The following PRKN variants were observed in gnomAD, a reference collection of about 807,000 sequenced individuals.
The protein encoded by PRKN is parkin RBR E3 ubiquitin protein ligase.
Under a neutral mutation model 59.5 loss-of-function variants are expected in PRKN, and 56 were observed. The observed-to-expected ratio is 0.94, with a 90% confidence interval of 0.76 to 1.18. The LOEUF is 1.18. PRKN is among the 50% of genes most tolerant of loss of function. The pLI is 0.00. For missense variants in PRKN, 657 were observed against 596.4 expected, an observed-to-expected ratio of 1.10 and a Z score of -1.06; for synonymous variants, 250 against 222.1, an observed-to-expected ratio of 1.13 and a Z score of -1.12.
chr6:162,685,980 T>C (rs184016649), intron 1 of PRKN, among the ~76,000 whole-genome samples: 158 of 152,264 alleles, frequency 1.0e-3, no homozygotes, highest in African/African-American at 3.7e-3. Context: ...AGCCTGTTTA[T>C]AGCGAACGTC....
At chr6:162,448,894 C>CCTCTCT (rs112625480) in intron 1 of PRKN, among the ~76,000 whole-genome samples, 22 of 141,372 alleles carry the variant, frequency 1.6e-4, no homozygotes, top group Non-Finnish European at 2.8e-4. Context: ...TCTCTCCCTT[C>CCTCTCT]CTCTCTCTCT....
chr6:162,180,921 G>C (rs1783774500), intron 4 of PRKN, among the ~76,000 whole-genome samples: 1 of 152,186 alleles, frequency 6.6e-6, no homozygotes, highest in Non-Finnish European at 1.5e-5. Context: ...AGACACCAAA[G>C]AGGACATCAG....
At chr6:161,939,201 T>C (rs1342904201) in intron 6 of PRKN, among the ~76,000 whole-genome samples, 1 of 151,946 alleles carries the variant, frequency 6.6e-6, no homozygotes, top group African/African-American at 2.4e-5. Context: ...GAGGATCACC[T>C]GAGGCCAGTA....
chr6:161,360,444 G>A lies in PRKN; in HGVS notation c.1168-239C>T, dbSNP rs1784932058. Among the ~76,000 whole-genome samples the A allele has an allele frequency of 6.6e-6, 1 of 152,198 alleles. No individual in the cohort carries two copies. Among genetic ancestry groups the A allele is most frequent in the Non-Finnish European group, 1.5e-5 (1 of 68,034 alleles). ...GAGATTGTTTGGTTTTGTAGTGTGA[G>A]CTCCTCTATTCTGTTGTTTTGCATA... On this transcript the variant is annotated intron_variant, in intron 10 of 11. Transcript: ENST00000366898. The surrounding 1 kb of genome is among the most constrained non-coding windows in gnomAD (Gnocchi z 5.1).
chr6:161,923,862 C>G (rs12110810), intron 6 of PRKN, among the ~76,000 whole-genome samples: 3 of 152,126 alleles, frequency 2.0e-5, no homozygotes, highest in Non-Finnish European at 2.9e-5. Flanking sequence ...CTTCCTCTTT[C>G]CCTGTCTGCC....
rs1000637131 is a variant in PRKN, at chr6:161,395,297, G to A, written c.1084-8420C>T. 1.2e-4 allele frequency among the ~76,000 whole-genome samples: 19 copies of A among 152,212 alleles called. No homozygotes were observed. Among genetic ancestry groups the A allele is most frequent in the African/African-American group, 3.6e-4 (15 of 41,518 alleles). ...TACAGATGGCTGTCTATTAGCACACGGAGAGCTGCTCCATTCTTCCTGAAC... is the reference window on the plus strand; with the variant it reads ...TACAGATGGCTGTCTATTAGCACACAGAGAGCTGCTCCATTCTTCCTGAAC... On this transcript the variant is annotated intron_variant, in intron 9 of 11. Coordinates refer to ENST00000366898, the MANE Select transcript of PRKN (RefSeq NM_004562.3). The surrounding 1 kb of genome is among the most constrained non-coding windows in gnomAD (Gnocchi z 5.0).
Position 161,721,024 on chromosome 6 carries a change from A to G in PRKN, c.871+64748T>C, listed in dbSNP as rs974305793. Among the ~76,000 whole-genome samples, 5 of 152,316 alleles carry G rather than the reference A, an allele frequency of 3.3e-5. No individual in the cohort carries two copies. In the South Asian group the frequency reaches 1.0e-3, roughly 32 times the overall value. On this transcript the variant is annotated intron_variant, in intron 7 of 11. Coordinates refer to ENST00000366898, the MANE Select transcript of PRKN (RefSeq NM_004562.3). Reference sequence around the variant, plus strand: ...GGAATATCATGGAAAAACTTTCCCAATGGTTGGTAATCACATTTGATATGA... The same window carrying G: ...GGAATATCATGGAAAAACTTTCCCAGTGGTTGGTAATCACATTTGATATGA...
chr6:161,426,676 C>CACACACACACACAT (rs11271613), intron 9 of PRKN, among the ~76,000 whole-genome samples: 7,657 of 142,708 alleles, frequency 0.054, 575 homozygotes, highest in African/African-American at 0.14. Context: ...CACACACACA[C>CACACACACACACAT]CTCCTATTAG....
At chr6:162,253,473 C>G (rs1406490634) in intron 3 of PRKN, among the ~76,000 whole-genome samples, 1 of 152,120 alleles carries the variant, frequency 6.6e-6, no homozygotes, top group Admixed American at 6.6e-5. Flanking sequence ...TCTACTTTAC[C>G]AGCACAAATG....
At chr6:161,496,850 A>C (rs1356223504) in intron 9 of PRKN, among the ~76,000 whole-genome samples, 2 of 152,176 alleles carry the variant, frequency 1.3e-5, no homozygotes, top group Non-Finnish European at 2.9e-5. Flanking sequence ...GCCACAAGCC[A>C]AGGATTGCTG....
intron 2 of PRKN, among the ~76,000 whole-genome samples, chr6:162,391,638 C>A (rs941144055): frequency 6.6e-6 from 1 of 152,162 alleles, no homozygotes; most frequent in Non-Finnish European, 1.5e-5. Flanking sequence ...TTTCTTACTG[C>A]ACATGCTTGA....
chr6:161,927,321 C>A (rs1779005839), intron 6 of PRKN, among the ~76,000 whole-genome samples: 1 of 152,162 alleles, frequency 6.6e-6, no homozygotes, highest in African/African-American at 2.4e-5. Context: ...ATCACTACGT[C>A]TTACATACAG....
chr6:162,653,405 T>A (rs1778522329), intron 1 of PRKN, among the ~76,000 whole-genome samples: 1 of 152,152 alleles, frequency 6.6e-6, no homozygotes, highest in African/African-American at 2.4e-5. Context: ...GGATTTTTCA[T>A]AATAATTTTT....
chr6:162,432,767 C>A lies in PRKN; in HGVS notation c.171+10543G>T, dbSNP rs375199538. 2.8e-4 allele frequency among the ~76,000 whole-genome samples: 42 copies of A among 152,130 alleles called. No individual in the cohort carries two copies. The East Asian group carries it at 7.5e-3, about 27-fold the overall frequency. On this transcript the variant is annotated intron_variant, in intron 2 of 11. Transcript: ENST00000366898. ...TTCAGAGTGCTTCCTGATCCTCTTGCCCTCTATTTTACATTCAAGCGACTC... is the reference window on the plus strand; with the variant it reads ...TTCAGAGTGCTTCCTGATCCTCTTGACCTCTATTTTACATTCAAGCGACTC...
At chr6:161,812,663 T>C (rs2128213870) in intron 6 of PRKN, among the ~76,000 whole-genome samples, 1 of 152,186 alleles carries the variant, frequency 6.6e-6, no homozygotes, top group Middle Eastern at 3.4e-3. Flanking sequence ...AACAGGGAAA[T>C]GCAAATTAAA....
intron 5 of PRKN, among the ~76,000 whole-genome samples, chr6:162,048,196 T>A (rs1777458377): frequency 6.6e-6 from 1 of 152,172 alleles, no homozygotes; most frequent in South Asian, 2.1e-4. Context: ...ATAGATGATA[T>A]ATAAAAAATA....
At chr6:162,496,250 GA>G (rs1383511274) in intron 1 of PRKN, among the ~76,000 whole-genome samples, 1 of 151,872 alleles carries the variant, frequency 6.6e-6, no homozygotes, top group Non-Finnish European at 1.5e-5. Context: ...GGAAAAAAAA[GA>G]AAGAAAAAAA....
At chr6:161,425,084 A>G (rs1562439475) in intron 9 of PRKN, among the ~76,000 whole-genome samples, 1 of 147,288 alleles carries the variant, frequency 6.8e-6, no homozygotes, top group Non-Finnish European at 1.5e-5. Flanking sequence ...TTGAGTGCCT[A>G]TGTGCTGAGT....
intron 6 of PRKN, among the ~76,000 whole-genome samples, chr6:161,891,576 C>T (rs916202273): frequency 1.3e-5 from 2 of 152,134 alleles, no homozygotes; most frequent in South Asian, 2.1e-4. Flanking sequence ...TTTAGAGTGT[C>T]TTCCAAGTAC....
Sources: gnomAD v4.1 joint callset for allele counts (sites outside exome capture counted in the v4.1 genomes callset) on GRCh38, gnomAD v4.1.1 for gene constraint, Gnocchi (gnomAD v3.1) non-coding constraint, MANE v1.5 for transcripts, NCBI Gene and HGNC (gene_info 2026-07-23, HGNC 2026-07-21) for gene names.